Variants in ODF2L observed in about 807,000 individuals in gnomAD.
ODF2L encodes protein BCAP.
In ODF2L, 76 loss-of-function variants were observed where a neutral mutation model predicts 86.3. That is an observed-to-expected ratio of 0.88 (90% CI 0.73 to 1.07). The LOEUF (loss-of-function observed/expected upper bound fraction) is 1.07, where lower values mean the gene tolerates loss of function less well. Ranked by LOEUF, ODF2L falls within the 50% of genes least tolerant of loss-of-function variation. The probability of loss-of-function intolerance (pLI) is 0.00; values close to 1 mark genes in which losing one functional copy is unlikely to be tolerated. For missense variants in ODF2L, 748 were observed against 717.4 expected, an observed-to-expected ratio of 1.04 and a Z score of -0.49; for synonymous variants, 241 against 231.3, an observed-to-expected ratio of 1.04 and a Z score of -0.38.
intron 13 of ODF2L, chr1:86,357,993 T>G: frequency 1.0e-6 from 1 of 985,430 alleles, no homozygotes; most frequent in Non-Finnish European, 1.2e-6. Flanking sequence ...AGTAATTCCA[T>G]GAAAGCAGTA....
chr1:86,382,445 G>A (rs1437005515), intron 6 of ODF2L, 87 bp from the exon 7 acceptor site: 1 of 1,562,732 alleles, frequency 6.4e-7, no homozygotes, highest in East Asian at 2.3e-5. Flanking sequence ...CCCTGATTTA[G>A]GCACAATCTA....
chr1:86,362,809 G>A (rs984160390), intron 11 of ODF2L, among the ~76,000 whole-genome samples: 1 of 152,026 alleles, frequency 6.6e-6, no homozygotes, highest in Non-Finnish European at 1.5e-5. Context: ...ACAGGTGCCC[G>A]CCACCATGCC....
intron 1 of ODF2L, among the ~76,000 whole-genome samples, chr1:86,391,472 A>T (rs577024328): frequency 6.6e-6 from 1 of 152,364 alleles, no homozygotes. Context: ...TGGTATAAAA[A>T]TAGGCACATA....
intron 7 of ODF2L, among the ~76,000 whole-genome samples, chr1:86,378,633 C>T (rs1660341343): frequency 6.6e-6 from 1 of 152,052 alleles, no homozygotes; most frequent in South Asian, 2.1e-4. Context: ...GACAGGGAAG[C>T]AGGGACCTTC....
rs543400711 is a variant in ODF2L, at chr1:86,394,891, A to T, written c.-60+1142T>A. 7.0e-5 allele frequency among the ~76,000 whole-genome samples: 9 copies of T among 129,112 alleles called. No individual in the cohort carries two copies. The South Asian group carries it at 9.7e-4, about 14-fold the overall frequency. The allele number at this position is 129,112 out of a possible 152,430, so 84.7% of individuals were successfully genotyped here. ...AGTCTCGCGCTGTCGCCCAGGCTGG[A>T]GTGCAGTGGCGCGATCTCGGCTCAC... On this transcript the variant is annotated intron_variant, in intron 1 of 17. Transcript: ENST00000317336.
downstream of ODF2L, chr1:86,349,100 A>G (rs953178851): frequency 1.1e-5 from 3 of 271,118 alleles, no homozygotes; most frequent in Non-Finnish European, 1.9e-5. Flanking sequence ...TATAATATAC[A>G]TTCATTTAGC....
At chr1:86,369,295 G>A (rs568690771) in intron 10 of ODF2L, among the ~76,000 whole-genome samples, 1 of 152,270 alleles carries the variant, frequency 6.6e-6, no homozygotes, top group East Asian at 1.9e-4. Flanking sequence ...AAGGTACACT[G>A]CAATTTTGAT....
chr1:86,371,953 C>T (rs1189774826), intron 9 of ODF2L, among the ~76,000 whole-genome samples: 1 of 151,828 alleles, frequency 6.6e-6, no homozygotes, highest in African/African-American at 2.4e-5. Flanking sequence ...TTTGGGAGGC[C>T]GAGGCAGGCG....
chr1:86,364,063 T>C (rs1228460269), intron 11 of ODF2L, among the ~76,000 whole-genome samples: 1 of 152,110 alleles, frequency 6.6e-6, no homozygotes, highest in Non-Finnish European at 1.5e-5. Flanking sequence ...ATACATTTCT[T>C]AACTATTAAT....
At chr1:86,352,829 T>C in intron 17 of ODF2L, 30 bp downstream of exon 16, 6 of 1,342,626 alleles carry the variant, frequency 4.5e-6, no homozygotes, top group Non-Finnish European at 6.2e-6. Context: ...TGTTATCTTT[T>C]ATAATATGTT....
downstream of ODF2L, chr1:86,347,404 A>T (rs975351551): frequency 6.6e-6 from 1 of 152,182 alleles, no homozygotes; most frequent in African/African-American, 2.4e-5. Context: ...ATTAGGAGGT[A>T]AAGAAAGGGC....
chr1:86,383,046 A>G (rs766035015), intron 5 of ODF2L, 44 bp from the exon 6 acceptor site: 2 of 1,292,582 alleles, frequency 1.5e-6, no homozygotes, highest in East Asian at 2.3e-5. Context: ...CACAACTTGG[A>G]TAATATTGGC....
intron 2 of ODF2L, chr1:86,386,424 C>CT (rs1355901212): frequency 6.6e-6 from 1 of 150,446 alleles, no homozygotes; most frequent in Non-Finnish European, 1.5e-5. Flanking sequence ...CACCCAGGCT[C>CT]TGTCACCCAG....
exon 10 of ODF2L, chr1:86,371,129 A>G: frequency 6.6e-7 from 1 of 1,526,042 alleles, no homozygotes; most frequent in Non-Finnish European, 8.9e-7. Flanking sequence ...TTTTCTTCAG[A>G]TCTTCCAAAA....
At chr1:86,382,383 C>A (rs1660649482) in intron 6 of ODF2L, 25 bp from the exon 7 acceptor site, 3 of 1,602,562 alleles carry the variant, frequency 1.9e-6, no homozygotes, top group Admixed American at 3.5e-5. Flanking sequence ...AAGAGAAAAC[C>A]AAAAAAATCC....
At chr1:86,361,818 T>G (rs574332470) in intron 11 of ODF2L, among the ~76,000 whole-genome samples, 1 of 152,236 alleles carries the variant, frequency 6.6e-6, no homozygotes, top group Non-Finnish European at 1.5e-5. Flanking sequence ...TGAGCCAATA[T>G]GTTCACTAGT....
chr1:86,354,973 T>C (rs1158121422), intron 14 of ODF2L, 114 bp from the exon 14 acceptor site: 3 of 626,580 alleles, frequency 4.8e-6, no homozygotes, highest in Non-Finnish European at 8.4e-6. Flanking sequence ...TAAATGTTAC[T>C]ACTCTTACAC....
intron 10 of ODF2L, 37 bp downstream of exon 10, chr1:86,370,981 C>T: frequency 1.4e-6 from 2 of 1,399,042 alleles, no homozygotes; most frequent in Non-Finnish European, 9.5e-7. Context: ...ATGGTCATTA[C>T]ACAATACATG....
rs533356949 is a variant in ODF2L, at chr1:86,393,511, A to G, written c.-60+2522T>C. Among the ~76,000 whole-genome samples, 3 of 152,358 alleles carry G rather than the reference A, an allele frequency of 2.0e-5. No individual in the cohort carries two copies. The South Asian group carries it at 6.2e-4, about 32-fold the overall frequency. On this transcript the variant is annotated intron_variant, in intron 1 of 17. Coordinates refer to ENST00000317336, the Ensembl canonical transcript of ODF2L. ...GAGAGATTAGATTAGATAACAAATT[A>G]GTAATCCCTCTCTCCAATGAAAAAA...
Sources: gnomAD v4.1 joint callset for allele counts (sites outside exome capture counted in the v4.1 genomes callset) on GRCh38, gnomAD v4.1.1 for gene constraint, MANE v1.5 for transcripts, NCBI Gene and HGNC (gene_info 2026-07-23, HGNC 2026-07-21) for gene names.